Variants in GPC1 observed in about 807,000 individuals in gnomAD.
The protein encoded by GPC1 is glypican-1.
In GPC1, 26 loss-of-function variants were observed where a neutral mutation model predicts 51.5. The ratio of observed to expected loss-of-function variants is 0.50; its 90% CI spans 0.37 to 0.70. The LOEUF (loss-of-function observed/expected upper bound fraction) is 0.70. GPC1 is among the 30% of genes least tolerant of loss of function. The pLI, the probability that GPC1 is intolerant of heterozygous loss-of-function variation, is 0.00. For synonymous variants in GPC1, 380 were observed against 348.3 expected (o/e 1.09, Z -1.01); for missense variants, 775 against 800.5 (o/e 0.97, Z 0.38).
In GPC1 at chr2:240,448,925, T is replaced by G. The variant is rs2074072285; in HGVS notation, c.167-10105T>G. 1.3e-5 allele frequency among the ~76,000 whole-genome samples: 2 copies of G among 151,976 alleles called. No homozygotes were observed. Among genetic ancestry groups the G allele is most frequent in the Non-Finnish European group, 2.9e-5 (2 of 67,920 alleles). ...TACCTGGGCTCGGGGTGCCCAGGTA[T>G]CAAGCCTGGGCTTCTCATTTCCTCC... On this transcript the variant is annotated intron_variant, in intron 1 of 8. Transcript: ENST00000264039. The surrounding 1 kb of genome is among the most constrained non-coding windows in gnomAD (Gnocchi z 4.5).
intron 2 of GPC1, among the ~76,000 whole-genome samples, chr2:240,460,641 C>A (rs1483048300): frequency 6.6e-6 from 1 of 152,240 alleles, no homozygotes; most frequent in Admixed American, 6.5e-5. Context: ...GCCGCCCTCC[C>A]TCTGCTGCCC....
chr2:240,464,502 C>A (rs73104051), intron 4 of GPC1, 114 bp from the exon 5 acceptor site: 10 of 1,391,434 alleles, frequency 7.2e-6, no homozygotes, highest in Middle Eastern at 1.8e-4. Flanking sequence ...CCCATGCTGA[C>A]CCGTGCTGTC....
chr2:240,454,538 G>A (rs1559198702), intron 1 of GPC1, among the ~76,000 whole-genome samples: 2 of 152,254 alleles, frequency 1.3e-5, no homozygotes, highest in Non-Finnish European at 2.9e-5. Context: ...TGAGTAGAGG[G>A]CAGGAGCGGG....
In GPC1 at chr2:240,467,177, G is replaced by A. The variant is rs1320303569; in HGVS notation, c.*887G>A. ...CCTGCTCCCATCCTCACCCAGATCA[G>A]GAACCAGGGCCTCCCTGTTCACGGT... On this transcript the variant is annotated 3_prime_UTR_variant, in exon 9 of 9. Transcript: ENST00000264039. 6.6e-6 allele frequency: 1 copy of A among 152,302 alleles called. No homozygotes were observed. The highest frequency in any genetic ancestry group is 1.5e-5 in the Non-Finnish European group (1 of 68,094). 9.4% of individuals were successfully genotyped at this position (152,302 alleles called of 1,614,324 possible).
chr2:240,448,567 A>G lies in GPC1; in HGVS notation c.167-10463A>G, dbSNP rs71428437. ...GGAAATGGGTGGGAGTCACGGAGGCAGGGGGCCCCCATTCCCACCTGCTCC... is the reference window on the plus strand; with the variant it reads ...GGAAATGGGTGGGAGTCACGGAGGCGGGGGGCCCCCATTCCCACCTGCTCC... On this transcript the variant is annotated intron_variant, in intron 1 of 8. Transcript: ENST00000264039. This position sits in a 1 kb window ranked among gnomAD's most constrained non-coding sequence, Gnocchi z 4.5. 0.1 allele frequency among the ~76,000 whole-genome samples: 15,163 copies of G among 152,138 alleles called. 842 individuals carry two copies. The highest frequency in any genetic ancestry group is 0.12 in the Non-Finnish European group (8,292 of 67,952).
intron 1 of GPC1, among the ~76,000 whole-genome samples, chr2:240,439,582 G>A (rs139311405): frequency 4.6e-5 from 7 of 152,338 alleles, no homozygotes; most frequent in African/African-American, 1.4e-4. Context: ...ACTTTTGACC[G>A]CCTGGGTGGT....
Position 240,462,433 on chromosome 2 carries a change from G to T in GPC1, c.568G>T (p.Asp190Tyr). The T allele has an allele frequency of 6.2e-7, 1 of 1,606,142 alleles. No homozygotes were observed. ...PQLLLPDDYL[D>Y]CLGKQAEALR... is the part of the protein sequence containing the mutation. ...GCTGCTGCTGCCTGATGACTACCTG[G>T]ACTGCCTGGGCAAGCAGGCCGAGGC... The change falls in exon 3 of 9, where the codon GAC becomes TAC. Residue 190 changes from aspartate (D) to tyrosine (Y), a missense_variant. Coordinates refer to ENST00000264039, the MANE Select transcript of GPC1 (RefSeq NM_002081.3).
chr2:240,436,660 C>CG (rs763772479), intron 1 of GPC1, among the ~76,000 whole-genome samples: 7 of 152,368 alleles, frequency 4.6e-5, no homozygotes, highest in African/African-American at 1.7e-4. Context: ...CTGACCCCCT[C>CG]GGGGGGTAGT....
intron 2 of GPC1, among the ~76,000 whole-genome samples, chr2:240,461,274 C>G (rs1490962290): frequency 6.6e-6 from 1 of 152,202 alleles, no homozygotes; most frequent in Non-Finnish European, 1.5e-5. Flanking sequence ...GGGGGCTGAT[C>G]CAGAGATCTC....
intron 3 of GPC1, 97 bp from the exon 4 acceptor site, chr2:240,463,250 C>A: frequency 9.5e-7 from 1 of 1,056,172 alleles, no homozygotes; most frequent in Non-Finnish European, 1.4e-6. Context: ...CCCTGACTTC[C>A]CTCCAGAGCC....
At chr2:240,460,779 C>A (rs1334216354) in intron 2 of GPC1, among the ~76,000 whole-genome samples, 1 of 152,190 alleles carries the variant, frequency 6.6e-6, no homozygotes, top group African/African-American at 2.4e-5. Context: ...TGTGCCCCTA[C>A]CCCAGGGAGT....
chr2:240,436,333 C>T (rs1006211369), intron 1 of GPC1, among the ~76,000 whole-genome samples: 2 of 152,088 alleles, frequency 1.3e-5, no homozygotes, highest in African/African-American at 4.8e-5. Flanking sequence ...CCCTCCCCGC[C>T]CCCCGCACGC....
Position 240,436,093 on chromosome 2 carries a change from G to C in GPC1, c.166+9G>C. The C allele has an allele frequency of 7.8e-7, 1 of 1,281,474 alleles. No individual in the cohort carries two copies. The highest frequency in any genetic ancestry group is 9.9e-7 in the Non-Finnish European group (1 of 1,013,700). The allele number at this position is 1,281,474 out of a possible 1,614,324, so 79.4% of individuals were successfully genotyped here. A position where few individuals can be genotyped will look rare whatever the true frequency, so the allele number is the denominator to read the frequency against. Reference sequence around the variant, plus strand: ...CCAGGCGGAGATCTCGGGTGAGTGAGGGCGCGGCGCCGGGAACCCGGGCCT... The same window carrying C: ...CCAGGCGGAGATCTCGGGTGAGTGACGGCGCGGCGCCGGGAACCCGGGCCT... On this transcript the variant is annotated intron_variant, in intron 1 of 8. Coordinates refer to ENST00000264039, the MANE Select transcript of GPC1 (RefSeq NM_002081.3).
intron 1 of GPC1, among the ~76,000 whole-genome samples, chr2:240,438,397 T>G (rs1287578243): frequency 6.6e-6 from 1 of 152,180 alleles, no homozygotes; most frequent in Non-Finnish European, 1.5e-5. Context: ...CAGTGTCCCC[T>G]CCTGCTTTGT....
intron 1 of GPC1, among the ~76,000 whole-genome samples, chr2:240,439,618 C>T (rs2074005274): frequency 6.6e-6 from 1 of 152,192 alleles, no homozygotes; most frequent in Admixed American, 6.5e-5. Flanking sequence ...GGGGAACCAT[C>T]CTCAGAGGGC....
intron 1 of GPC1, chr2:240,455,886 C>T (rs999149886): frequency 3.3e-6 from 1 of 300,026 alleles, no homozygotes; most frequent in Non-Finnish European, 6.5e-6. Flanking sequence ...GGCCTCCTGC[C>T]TTTGACTGCC....
At chr2:240,444,706 G>A (rs918349912) in intron 1 of GPC1, among the ~76,000 whole-genome samples, 3 of 152,176 alleles carry the variant, frequency 2.0e-5, no homozygotes, top group African/African-American at 7.2e-5. Flanking sequence ...ATGGGTGATC[G>A]TCTCAGCCTG....
At chr2:240,460,110 G>A (rs987176599) in intron 2 of GPC1, among the ~76,000 whole-genome samples, 1 of 152,046 alleles carries the variant, frequency 6.6e-6, no homozygotes, top group Non-Finnish European at 1.5e-5. Context: ...CCAGGCTCCC[G>A]GGAGAGTCTG....
chr2:240,464,866 G>T lies in GPC1; in HGVS notation c.1025G>T (p.Gly342Val). Residue 342 changes from glycine to valine, a missense_variant, in exon 6 of 9, where the codon GGC (glycine) becomes GTC (valine). By Grantham distance (109) the Gly-to-Val change is moderately radical. Coordinates refer to ENST00000264039, the MANE Select transcript of GPC1 (RefSeq NM_002081.3). ...GCAGTGTCTCTCCAGGTCATCCAGG[G>T]CTGCGGGAACCCCAAGGTCAACCCC... ...RDTLTAKVIQ[G>V]CGNPKVNPQG... 6.4e-7 allele frequency: 1 copy of T among 1,555,918 alleles called. No homozygotes were observed. The highest frequency in any genetic ancestry group is 8.7e-7 in the Non-Finnish European group (1 of 1,149,250).
Sources: allele counts gnomAD v4.1 joint callset (sites outside exome capture counted in the v4.1 genomes callset), GRCh38; gene constraint gnomAD v4.1.1; non-coding constraint Gnocchi (gnomAD v3.1); transcripts MANE v1.5; gene names NCBI Gene and HGNC (gene_info 2026-07-23, HGNC 2026-07-21).